The following BLTP3B variants were observed in gnomAD, a reference collection of about 807,000 sequenced individuals.
The protein encoded by BLTP3B is bridge-like lipid transfer protein family member 3B, also known as UHRF1 (ICBP90) binding protein 1-like.
the BLTP3B span, among the ~76,000 whole-genome samples, chr12:100,097,887 T>C: frequency 1.3e-5 from 2 of 152,160 alleles, no homozygotes; most frequent in Non-Finnish European, 2.9e-5. Flanking sequence ...GTAAAGACAT[T>C]AAAATGTGCA....
chr12:100,048,125 C>T, the BLTP3B span: 1 of 1,611,174 alleles, frequency 6.2e-7, no homozygotes, highest in Admixed American at 1.7e-5. Flanking sequence ...ATTACAGCAC[C>T]AGGCCCACTT....
At chr12:100,108,938 G>A in the BLTP3B span, among the ~76,000 whole-genome samples, 1 of 152,132 alleles carries the variant, frequency 6.6e-6, no homozygotes, top group Non-Finnish European at 1.5e-5. Flanking sequence ...GAGCAGGGGT[G>A]GGAATGGGTA....
chr12:100,109,386 C>A, the BLTP3B span, among the ~76,000 whole-genome samples: 1 of 152,104 alleles, frequency 6.6e-6, no homozygotes, highest in African/African-American at 2.4e-5. Context: ...TAGTATTCAA[C>A]AGCACAACAA....
chr12:100,048,771 A>AGTGTGTGT, the BLTP3B span, among the ~76,000 whole-genome samples: 361 of 115,010 alleles, frequency 3.1e-3, 1 homozygote, highest in African/African-American at 4.6e-3. Context: ...AGTGAGAGTG[A>AGTGTGTGT]GTGTGTGTGT....
At chr12:100,088,185 A>G in the BLTP3B span, among the ~76,000 whole-genome samples, 625 of 152,308 alleles carry the variant, frequency 4.1e-3, 8 homozygotes, top group African/African-American at 0.014. Context: ...CAGAGATCAG[A>G]TAACTCTATT....
At chr12:100,075,170 C>A in the BLTP3B span, among the ~76,000 whole-genome samples, 2 of 151,998 alleles carry the variant, frequency 1.3e-5, no homozygotes, top group Non-Finnish European at 2.9e-5. Flanking sequence ...CACCACCACG[C>A]CCAGCTAAGT....
At chr12:100,054,805 C>T in the BLTP3B span, among the ~76,000 whole-genome samples, 7 of 152,110 alleles carry the variant, frequency 4.6e-5, no homozygotes, top group African/African-American at 1.7e-4. Context: ...AACTTGGGCT[C>T]ATCAGTCAGA....
the BLTP3B span, chr12:100,048,283 AG>A: frequency 7.2e-7 from 1 of 1,390,636 alleles, no homozygotes; most frequent in Non-Finnish European, 9.6e-7. Flanking sequence ...AAATAATACT[AG>A]TTTTACTATT....
the BLTP3B span, among the ~76,000 whole-genome samples, chr12:100,094,753 G>C: frequency 7.2e-4 from 109 of 152,248 alleles, 1 homozygote; most frequent in Middle Eastern, 3.4e-3. Context: ...CCAGCTACGC[G>C]GGGGGCTGAG....
At chr12:100,125,856 T>C in the BLTP3B span, among the ~76,000 whole-genome samples, 1 of 152,254 alleles carries the variant, frequency 6.6e-6, no homozygotes, top group Admixed American at 6.5e-5. Flanking sequence ...AATAAATCAT[T>C]GCAATATGTT....
At chr12:100,062,777 C>T in the BLTP3B span, among the ~76,000 whole-genome samples, 8 of 152,014 alleles carry the variant, frequency 5.3e-5, no homozygotes, top group African/African-American at 1.9e-4. Context: ...GCCCAGGCAA[C>T]AGAGTGAGAT....
the BLTP3B span, among the ~76,000 whole-genome samples, chr12:100,045,889 T>C: frequency 6.6e-6 from 1 of 151,656 alleles, no homozygotes; most frequent in Admixed American, 6.6e-5. Context: ...CAAGAAAAAA[T>C]CAAACAACCC....
the BLTP3B span, among the ~76,000 whole-genome samples, chr12:100,112,634 C>T: frequency 1.3e-5 from 2 of 151,824 alleles, no homozygotes; most frequent in Non-Finnish European, 2.9e-5. Context: ...AAATTATGTG[C>T]ACTGCACTAA....
At chr12:100,083,035 G>C in the BLTP3B span, 2 of 1,613,192 alleles carry the variant, frequency 1.2e-6, no homozygotes, top group Admixed American at 3.3e-5. Context: ...ATTGAAATCT[G>C]CAAGTCTAAC....
chr12:100,086,411 T>A, the BLTP3B span: 14 of 1,268,100 alleles, frequency 1.1e-5, no homozygotes, highest in Admixed American at 2.9e-4. Flanking sequence ...TCAGAAAGAT[T>A]TAATTTACCA....
the BLTP3B span, among the ~76,000 whole-genome samples, chr12:100,086,919 G>A: frequency 6.6e-6 from 1 of 152,156 alleles, no homozygotes; most frequent in South Asian, 2.1e-4. Flanking sequence ...CCAGCACTTT[G>A]GGAGGCCGAG....
the BLTP3B span, among the ~76,000 whole-genome samples, chr12:100,105,228 A>G: frequency 3.0e-4 from 46 of 152,272 alleles, no homozygotes; most frequent in African/African-American, 1.1e-3. Context: ...ACATTACCCA[A>G]CTTCAAATTA....
At chr12:100,057,756 A>G in the BLTP3B span, 1 of 1,579,520 alleles carries the variant, frequency 6.3e-7, no homozygotes. Flanking sequence ...ACTGTTAACA[A>G]AATTATTAGA....
At chr12:100,084,481 T>A in the BLTP3B span, 2 of 1,612,366 alleles carry the variant, frequency 1.2e-6, no homozygotes, top group South Asian at 1.1e-5. Flanking sequence ...AATACCTGTT[T>A]GTGTGTGCTG....
Sources: allele counts gnomAD v4.1 joint callset (sites outside exome capture counted in the v4.1 genomes callset), GRCh38; gene constraint gnomAD v4.1.1; transcripts MANE v1.5; gene names NCBI Gene and HGNC (gene_info 2026-07-23, HGNC 2026-07-21).